The following GPIHBP1 variants were observed in gnomAD, a reference collection of about 807,000 sequenced individuals.
GPIHBP1 encodes the protein glycosylphosphatidylinositol-anchored high density lipoprotein-binding protein 1.
Under a neutral mutation model 13.0 loss-of-function variants are expected in GPIHBP1, and 11 were observed. That is an observed-to-expected ratio of 0.84 (90% confidence interval 0.53 to 1.40). The LOEUF (loss-of-function observed/expected upper bound fraction) is 1.40, where lower values mean the gene tolerates loss of function less well. Ranked by LOEUF, GPIHBP1 falls within the 40% of genes most tolerant of loss-of-function variation. The pLI is 0.00. For missense variants in GPIHBP1, 231 were observed against 241.1 expected (o/e 0.96, Z 0.28); for synonymous variants, 106 against 102.2 (o/e 1.04, Z -0.22).
Position 143,215,770 on chromosome 8 carries a change from G to T in GPIHBP1, c.*252G>T. ...GCTGGGTCCAGACCTCGGCTGCCACGCCCCAGGACCTGCAGCCCTCATGGG... is the reference window on the plus strand; with the variant it reads ...GCTGGGTCCAGACCTCGGCTGCCACTCCCCAGGACCTGCAGCCCTCATGGG... On this transcript the variant is annotated 3_prime_UTR_variant, in exon 4 of 4. Transcript: ENST00000622500. 1.7e-6 allele frequency: 1 copy of T among 573,510 alleles called. No individual in the cohort carries two copies. Among genetic ancestry groups the T allele is most frequent in the Admixed American group, 3.1e-5 (1 of 32,420 alleles). 35.5% of individuals were successfully genotyped at this position (573,510 alleles called of 1,614,324 possible).
At position 143,216,748 on chromosome 8, in the gene GPIHBP1, G is replaced by C. The variant is rs1816318430; in HGVS notation, c.*1230G>C. 1 of 152,274 alleles carries C rather than the reference G, an allele frequency of 6.6e-6. No individual in the cohort carries two copies. Among genetic ancestry groups the C allele is most frequent in the Admixed American group, 6.5e-5 (1 of 15,284 alleles). The allele number at this position is 152,274 out of a possible 1,614,324, so 9.4% of individuals were successfully genotyped here. A position where few individuals can be genotyped will look rare whatever the true frequency, so the allele number is the denominator to read the frequency against. ...AGCTCAGCCACTGACTTGGGTATCA[G>C]TTTCCCCTTCTGAGAAGTACAGAGT... On this transcript the variant is annotated 3_prime_UTR_variant, in exon 4 of 4. Coordinates refer to ENST00000622500, the MANE Select transcript of GPIHBP1 (RefSeq NM_178172.6).
Position 143,214,951 on chromosome 8 carries a change from A to T in GPIHBP1, c.182-62A>T. On this transcript the variant is annotated intron_variant, in intron 2 of 3. Transcript: ENST00000622500. The surrounding 1 kb of genome is among the most constrained non-coding windows in gnomAD (Gnocchi z 4.1). ...AGCACAGCTGAGAACGGGGAGGTGG[A>T]CAGGGACGTGGGAGGAGACCCTGGG... is the stretch of plus-strand genomic sequence containing the variant. 8.9e-7 allele frequency: 1 copy of T among 1,124,266 alleles called. No individual in the cohort carries two copies. Among genetic ancestry groups the T allele is most frequent in the African/African-American group, 1.5e-5 (1 of 64,954 alleles). The allele number at this position is 1,124,266 out of a possible 1,614,324, so 69.6% of individuals were successfully genotyped here.
Position 143,213,863 on chromosome 8 carries a change from G to C in GPIHBP1, c.94G>C (p.Asp32His). The change falls in exon 2 of 4, where the codon GAC (aspartate) becomes CAC (histidine). Residue 32 changes from aspartate (D) to histidine (H), a missense_variant. Coordinates refer to ENST00000622500, the MANE Select transcript of GPIHBP1 (RefSeq NM_178172.6). ...TQQEEEEEDE[D>H]HGPDDYDEED... ...GCAGGAGGAAGAGGAAGAGGACGAGGACCACGGGCCAGATGACTACGACGA... is the reference window on the plus strand; with the variant it reads ...GCAGGAGGAAGAGGAAGAGGACGAGCACCACGGGCCAGATGACTACGACGA... 2.6e-6 allele frequency: 4 copies of C among 1,556,508 alleles called. No homozygotes were observed. The highest frequency in any genetic ancestry group is 3.5e-6 in the Non-Finnish European group (4 of 1,149,970).
At position 143,215,739 on chromosome 8, in the gene GPIHBP1, G is replaced by T. The variant is rs780097037; in HGVS notation, c.*221G>T. 1.7e-6 allele frequency: 1 copy of T among 594,196 alleles called. No individual in the cohort carries two copies. Among genetic ancestry groups the T allele is most frequent in the Non-Finnish European group, 3.0e-6 (1 of 333,934 alleles). 36.8% of individuals were successfully genotyped at this position (594,196 alleles called of 1,614,324 possible). A position where few individuals can be genotyped will look rare whatever the true frequency, so the allele number is the denominator to read the frequency against. On this transcript the variant is annotated 3_prime_UTR_variant, in exon 4 of 4. Coordinates refer to ENST00000622500, the MANE Select transcript of GPIHBP1 (RefSeq NM_178172.6). ...CCTGTGAGCAGCAAGACTGCCGCAC[G>T]TGGGCGCTGGGTCCAGACCTCGGCT...
In GPIHBP1 at chr8:143,215,014, G is replaced by A. The variant is rs567736240; in HGVS notation, c.183G>A (p.Val61=). The change falls in exon 3 of 4, where the codon GTG becomes GTA. Residue 61 remains valine (V), a splice_region_variant and synonymous_variant. Coordinates refer to ENST00000622500, the MANE Select transcript of GPIHBP1 (RefSeq NM_178172.6). ...GGCCTGAGCCCGCCTTGTCCCCAGT[G>A]CTGCTGCGGTGCTACACCTGCAAGT... ...TNRLPGGRSR[V]LLRCYTCKSL... The A allele has an allele frequency of 7.0e-6, 11 of 1,566,446 alleles. No homozygotes were observed. The African/African-American group carries it at 9.5e-5, about 14-fold the overall frequency.
chr8:143,214,045 C>A lies in GPIHBP1; in HGVS notation c.181+95C>A. 6.7e-7 allele frequency: 1 copy of A among 1,501,254 alleles called. No individual in the cohort carries two copies. The highest frequency in any genetic ancestry group is 9.0e-7 in the Non-Finnish European group (1 of 1,107,700). The allele number at this position is 1,501,254 out of a possible 1,614,324, so 93.0% of individuals were successfully genotyped here. On this transcript the variant is annotated intron_variant, in intron 2 of 3. Transcript: ENST00000622500. The surrounding 1 kb of genome is among the most constrained non-coding windows in gnomAD (Gnocchi z 4.1). ...TGGAAGCCAGCAGGCCACAGTCCTG[C>A]TGTGAGCTTGCCTCCAGCAGAGTGG...
At chr8:143,213,341 T>G (rs1443313015) in intron 1 of GPIHBP1, 22 bp downstream of exon 1, 7 of 1,581,370 alleles carry the variant, frequency 4.4e-6, no homozygotes, top group African/African-American at 2.7e-5. Context: ...AGGGTAACCC[T>G]GCGGTGAGGG....
In GPIHBP1 at chr8:143,214,481, G is replaced by A. The variant is rs963856816; in HGVS notation, c.181+531G>A. Among the ~76,000 whole-genome samples, 7 of 151,980 alleles carry A rather than the reference G, an allele frequency of 4.6e-5. No homozygotes were observed. In the South Asian group the frequency reaches 6.2e-4, roughly 14 times the overall value. On this transcript the variant is annotated intron_variant, in intron 2 of 3. Coordinates refer to ENST00000622500, the MANE Select transcript of GPIHBP1 (RefSeq NM_178172.6). This position sits in a 1 kb window ranked among gnomAD's most constrained non-coding sequence, Gnocchi z 4.1. The stretch of plus-strand genomic sequence containing the variant: ...CCCGAGAAAAGCAGAGCAAATCGCC[G>A]CATCCAACCCGAGGGCCGGCCCCTC...
rs1816277639 is a variant in GPIHBP1, at chr8:143,214,936, A to C, written c.182-77A>C. 1.0e-6 allele frequency: 1 copy of C among 1,001,176 alleles called. No individual in the cohort carries two copies. The allele number at this position is 1,001,176 out of a possible 1,614,324, so 62.0% of individuals were successfully genotyped here. On this transcript the variant is annotated intron_variant, in intron 2 of 3. Transcript: ENST00000622500. The surrounding 1 kb of genome is among the most constrained non-coding windows in gnomAD (Gnocchi z 4.1). Reference sequence around the variant, plus strand: ...AGGCTAGGCTTTGGGAGCACAGCTGAGAACGGGGAGGTGGACAGGGACGTG... The same window carrying C: ...AGGCTAGGCTTTGGGAGCACAGCTGCGAACGGGGAGGTGGACAGGGACGTG...
rs772037018 is a variant in GPIHBP1, at chr8:143,213,870, G to A, written c.101G>A (p.Gly34Glu). The change falls in exon 2 of 4, where the codon GGG becomes GAG. Residue 34 changes from glycine (G) to glutamate (E), a missense_variant. Coordinates refer to ENST00000622500, the MANE Select transcript of GPIHBP1 (RefSeq NM_178172.6). ...GAAGAGGAAGAGGACGAGGACCACG[G>A]GCCAGATGACTACGACGAGGAAGAT... is the stretch of plus-strand genomic sequence containing the variant. ...QEEEEEDEDH[G>E]PDDYDEEDED... 1.3e-6 allele frequency: 2 copies of A among 1,555,006 alleles called. No individual in the cohort carries two copies. Among genetic ancestry groups the A allele is most frequent in the African/African-American group, 1.4e-5 (1 of 73,258 alleles).
At chr8:143,213,513 G>C (rs1172663193) in intron 1 of GPIHBP1, among the ~76,000 whole-genome samples, 194 bp downstream of exon 1, 1 of 151,968 alleles carries the variant, frequency 6.6e-6, no homozygotes, top group Admixed American at 6.6e-5. Context: ...CTGTTTATGT[G>C]GGGTGCGGGG....
chr8:143,215,575 C>T lies in GPIHBP1; in HGVS notation c.*57C>T. 1.5e-6 allele frequency: 2 copies of T among 1,369,830 alleles called. No homozygotes were observed. The highest frequency in any genetic ancestry group is 9.9e-7 in the Non-Finnish European group (1 of 1,011,318). The allele number at this position is 1,369,830 out of a possible 1,614,324, so 84.9% of individuals were successfully genotyped here. ...ACCCCCGGCCCTGCCAGCACTCTGT[C>T]TGGTACCTTCCCCTCCTGCCCCTGC... On this transcript the variant is annotated 3_prime_UTR_variant, in exon 4 of 4. Coordinates refer to ENST00000622500, the MANE Select transcript of GPIHBP1 (RefSeq NM_178172.6).
In GPIHBP1 at chr8:143,215,920, G is replaced by A. The variant is rs910861544; in HGVS notation, c.*402G>A. The A allele has an allele frequency of 3.2e-5, 7 of 222,184 alleles. No individual in the cohort carries two copies. Among genetic ancestry groups the A allele is most frequent in the East Asian group, 1.0e-4 (1 of 9,580 alleles). 13.8% of individuals were successfully genotyped at this position (222,184 alleles called of 1,614,324 possible). On this transcript the variant is annotated 3_prime_UTR_variant, in exon 4 of 4. Coordinates refer to ENST00000622500, the MANE Select transcript of GPIHBP1 (RefSeq NM_178172.6). The stretch of plus-strand genomic sequence containing the variant: ...ATTCCTCCATCTGCAGCGGTCACAC[G>A]GGCCCACCCTGCCCTTCCCCAGGTC...
rs11538389 is a variant in GPIHBP1 at position 143,213,308 on chromosome 8, T to G, written c.41T>G (p.Phe14Cys). 1,428,504 of 1,595,946 alleles carry G rather than the reference T, an allele frequency of 0.9. 640,974 individuals carry two copies. The highest frequency in any genetic ancestry group is 0.93 in the Middle Eastern group (5,606 of 6,040). The change falls in exon 1 of 4, where the codon TTC (phenylalanine) becomes TGC (cysteine). Residue 14 changes from phenylalanine to cysteine, a missense_variant. By Grantham distance (205) the Phe-to-Cys change is radical. Coordinates refer to ENST00000622500, the MANE Select transcript of GPIHBP1 (RefSeq NM_178172.6). ...GCTGTCCTGCTTGCCCTCTTGCTGT[T>G]CGGGCGGCCAGGTGCGGGGCAAAGG... ...LGAVLLALLL[F>C]GRPGRGQTQQ... is the part of the protein sequence containing the mutation.
rs368250860 is a variant in GPIHBP1 at position 143,214,982 on chromosome 8, C to T, written c.182-31C>T. On this transcript the variant is annotated intron_variant, in intron 2 of 3. Transcript: ENST00000622500. This position sits in a 1 kb window ranked among gnomAD's most constrained non-coding sequence, Gnocchi z 4.1. ...ACGTGGGAGGAGACCCTGGGGGGCCCGGCCTCGGCCTGAGCCCGCCTTGTC... is the reference window on the plus strand; with the variant it reads ...ACGTGGGAGGAGACCCTGGGGGGCCTGGCCTCGGCCTGAGCCCGCCTTGTC... The T allele has an allele frequency of 1.3e-4, 197 of 1,470,696 alleles. 1 individual carries two copies. The highest frequency in any genetic ancestry group is 1.3e-3 in the Middle Eastern group (7 of 5,544). The allele number at this position is 1,470,696 out of a possible 1,614,324, so 91.1% of individuals were successfully genotyped here.
chr8:143,216,239 C>G lies in GPIHBP1; in HGVS notation c.*721C>G, dbSNP rs537364475. On this transcript the variant is annotated 3_prime_UTR_variant, in exon 4 of 4. Coordinates refer to ENST00000622500, the MANE Select transcript of GPIHBP1 (RefSeq NM_178172.6). ...ACTTGCAGCCTTGGATGGGGAAGGGCCAGATGCTGGGTGGGTGCCTGTCAC... is the reference window on the plus strand; with the variant it reads ...ACTTGCAGCCTTGGATGGGGAAGGGGCAGATGCTGGGTGGGTGCCTGTCAC... 1.3e-5 allele frequency: 2 copies of G among 152,874 alleles called. No homozygotes were observed. Among genetic ancestry groups the G allele is most frequent in the East Asian group, 1.9e-4 (1 of 5,170 alleles). The allele number at this position is 152,874 out of a possible 1,614,324, so 9.5% of individuals were successfully genotyped here.
chr8:143,215,273 A>T lies in GPIHBP1; in HGVS notation c.310A>T (p.Thr104Ser). The T allele has an allele frequency of 6.2e-7, 1 of 1,612,782 alleles. No homozygotes were observed. The highest frequency in any genetic ancestry group is 8.5e-7 in the Non-Finnish European group (1 of 1,179,932). ...AHGNTESGLLTTHSTWCTDSC... is the reference protein window; with the variant it reads ...AHGNTESGLLSTHSTWCTDSC... ...CCCCTTCCCAGAGTCAGGCCTCCTG[A>T]CCACCCACTCCACGTGGTGCACAGA... The change falls in exon 4 of 4, where the codon ACC (threonine) becomes TCC (serine). Residue 104 changes from threonine to serine, a missense_variant. Thr to Ser is a moderately conservative substitution (Grantham distance 58). Transcript: ENST00000622500.
rs138215873 is a variant in GPIHBP1 at position 143,215,116 on chromosome 8, C to T, written c.285C>T (p.His95=). The part of the protein sequence containing the change: ...HGQTCTTLIA[H]GNTESGLLTT... ...AGACCTGCACAACCCTCATTGCCCA[C>T]GGGAACACCGGTAAGTGGGCGTGGG... Residue 95 remains histidine (H), a synonymous_variant, in exon 3 of 4, where the codon CAC becomes CAT. Transcript: ENST00000622500. 4.1e-3 allele frequency: 6,608 copies of T among 1,612,376 alleles called. 24 individuals carry two copies. The highest frequency in any genetic ancestry group is 5.2e-3 in the Non-Finnish European group (6,093 of 1,179,564).
chr8:143,215,761 G>A lies in GPIHBP1; in HGVS notation c.*243G>A, dbSNP rs972590204. The A allele has an allele frequency of 4.3e-5, 25 of 578,810 alleles. No homozygotes were observed. The highest frequency in any genetic ancestry group is 5.2e-5 in the Non-Finnish European group (17 of 324,752). The allele number at this position is 578,810 out of a possible 1,614,324, so 35.9% of individuals were successfully genotyped here. A position where few individuals can be genotyped will look rare whatever the true frequency, so the allele number is the denominator to read the frequency against. On this transcript the variant is annotated 3_prime_UTR_variant, in exon 4 of 4. Transcript: ENST00000622500. ...CACGTGGGCGCTGGGTCCAGACCTC[G>A]GCTGCCACGCCCCAGGACCTGCAGC...
Sources: gnomAD v4.1 joint callset for allele counts (sites outside exome capture counted in the v4.1 genomes callset) on GRCh38, gnomAD v4.1.1 for gene constraint, Gnocchi (gnomAD v3.1) non-coding constraint, MANE v1.5 for transcripts, NCBI Gene and HGNC (gene_info 2026-07-23, HGNC 2026-07-21) for gene names.